NFATC2IP: variants seen among roughly 807,000 people sequenced by gnomAD.
NFATC2IP encodes the protein NFATC2-interacting protein.
Under a neutral mutation model 40.2 loss-of-function variants are expected in NFATC2IP, and 25 were observed. That is an observed-to-expected ratio of 0.62 (90% CI 0.45 to 0.87). The LOEUF (loss-of-function observed/expected upper bound fraction) is 0.87, where lower values mean the gene tolerates loss of function less well. Among genes scored for constraint, NFATC2IP ranks in the 40% least tolerant of loss-of-function variants. NFATC2IP has a pLI of 0.00. For synonymous variants in NFATC2IP, 241 were observed against 236.3 expected (o/e 1.02, Z -0.18); for missense variants, 553 against 555.6 (o/e 1.00, Z 0.05).
rs1408639005 is a variant in NFATC2IP at position 28,964,731 on chromosome 16, T to TA, written c.*869dup. On this transcript the variant is annotated 3_prime_UTR_variant, in exon 8 of 8. Transcript: ENST00000320805. ...CATAGTGCTATTGTGCAATAGGTCT[T>TA]ATGCTGTTTTCACTCAATGTGTGCT... The TA allele has an allele frequency of 6.6e-6, 1 of 152,298 alleles. No homozygotes were observed. The highest frequency in any genetic ancestry group is 2.4e-5 in the African/African-American group (1 of 41,464). The allele number at this position is 152,298 out of a possible 1,614,324, so 9.4% of individuals were successfully genotyped here.
At position 28,951,301 on chromosome 16, in the gene NFATC2IP, G is replaced by A; in HGVS notation, c.290G>A (p.Arg97Lys). ...NSNSDSEGED[R>K]RPAGPPREPV... ...AACAGTGACAGCGAAGGGGAGGACA[G>A]GCGGCCCGCAGGACCCCCGCGGGAG... is the stretch of plus-strand genomic sequence containing the variant. The change falls in exon 1 of 8, where the codon AGG becomes AAG. Residue 97 changes from arginine (R) to lysine (K), a missense_variant. Coordinates refer to ENST00000320805, the MANE Select transcript of NFATC2IP (RefSeq NM_032815.4). The A allele has an allele frequency of 7.0e-7, 1 of 1,426,884 alleles. No individual in the cohort carries two copies. The highest frequency in any genetic ancestry group is 9.2e-7 in the Non-Finnish European group (1 of 1,086,832). The allele number at this position is 1,426,884 out of a possible 1,614,324, so 88.4% of individuals were successfully genotyped here.
chr16:28,955,883 C>CATA, intron 3 of NFATC2IP, 95 bp from the exon 4 acceptor site: 6 of 1,011,492 alleles, frequency 5.9e-6, no homozygotes, highest in Non-Finnish European at 9.2e-6. Context: ...GCCATTGCGT[C>CATA]CGACTATGCT....
At chr16:28,954,761 G>C in intron 3 of NFATC2IP, 79 bp downstream of exon 3, 2 of 803,200 alleles carry the variant, frequency 2.5e-6, no homozygotes, top group Non-Finnish European at 4.2e-6. Context: ...AGGACTCTTG[G>C]GTGACTCCTG....
chr16:28,962,501 C>T (rs1965098783), intron 7 of NFATC2IP, among the ~76,000 whole-genome samples: 1 of 152,112 alleles, frequency 6.6e-6, no homozygotes, highest in Admixed American at 6.5e-5. Context: ...ACTCAACCTT[C>T]ACTCTCTCCC....
intron 1 of NFATC2IP, 113 bp from the exon 2 acceptor site, chr16:28,952,019 A>C: frequency 6.9e-7 from 1 of 1,454,132 alleles, no homozygotes; most frequent in Non-Finnish European, 9.4e-7. Context: ...CAAGGTGTCC[A>C]CGATCTTAGG....
At chr16:28,959,160 T>C (rs1245203871) in intron 7 of NFATC2IP, 60 bp downstream of exon 7, 7 of 1,043,572 alleles carry the variant, frequency 6.7e-6, no homozygotes, top group Non-Finnish European at 1.0e-5. Context: ...CTCTTGTCTC[T>C]CTTGTCAGTT....
At position 28,961,979 on chromosome 16, in the gene NFATC2IP, C is replaced by A. The variant is rs185501373; in HGVS notation, c.1102-1726C>A. Reference sequence around the variant, plus strand: ...AGTGCAGTGGTGCGATCTTGGCTTACCACAGCCTCAAACTCCTGGGCTCAA... The same window carrying A: ...AGTGCAGTGGTGCGATCTTGGCTTAACACAGCCTCAAACTCCTGGGCTCAA... On this transcript the variant is annotated intron_variant, in intron 7 of 7. Transcript: ENST00000320805. Among the ~76,000 whole-genome samples the A allele has an allele frequency of 5.9e-4, 89 of 151,168 alleles. No individual in the cohort carries two copies. The East Asian group carries it at 0.013, about 22-fold the overall frequency.
chr16:28,963,584 C>T (rs901654050), intron 7 of NFATC2IP, 121 bp from the exon 8 acceptor site: 2 of 806,064 alleles, frequency 2.5e-6, no homozygotes, highest in East Asian at 5.0e-5. Flanking sequence ...CCGCATGGGG[C>T]CCTGACTTTA....
rs1272329765 is a variant in NFATC2IP at position 28,964,070 on chromosome 16, G to A, written c.*207G>A. 3.5e-6 allele frequency: 2 copies of A among 564,424 alleles called. No homozygotes were observed. Among genetic ancestry groups the A allele is most frequent in the East Asian group, 5.8e-5 (2 of 34,284 alleles). The allele number at this position is 564,424 out of a possible 1,614,324, so 35.0% of individuals were successfully genotyped here. A position where few individuals can be genotyped will look rare whatever the true frequency, so the allele number is the denominator to read the frequency against. On this transcript the variant is annotated 3_prime_UTR_variant, in exon 8 of 8. Coordinates refer to ENST00000320805, the MANE Select transcript of NFATC2IP (RefSeq NM_032815.4). The stretch of plus-strand genomic sequence containing the variant: ...TTATGTGGGTGTTGTTGCCCTGGGT[G>A]GCCTGTGGCTCCGTCCACAAGTCAT...
rs750769810 is a variant in NFATC2IP at position 28,963,724 on chromosome 16, T to G, written c.1121T>G (p.Leu374Arg). The change falls in exon 8 of 8, where the codon CTC becomes CGC. Residue 374 changes from leucine (L) to arginine (R), a missense_variant. Leu to Arg is a moderately radical substitution (Grantham distance 102). Coordinates refer to ENST00000320805, the MANE Select transcript of NFATC2IP (RefSeq NM_032815.4). ...ATCCAGGATTCCCCTCTAAAGACCC[T>G]CATGTCCCACTATGAGGAGGCCATG... The part of the protein sequence containing the change: ...SLSRDSPLKT[L>R]MSHYEEAMGL... 1 of 1,614,028 alleles carries G rather than the reference T, an allele frequency of 6.2e-7. No individual in the cohort carries two copies. The highest frequency in any genetic ancestry group is 1.1e-5 in the South Asian group (1 of 91,082).
chr16:28,957,753 T>C (rs1483861129), intron 5 of NFATC2IP: 2 of 152,164 alleles, frequency 1.3e-5, no homozygotes, highest in African/African-American at 2.4e-5. Context: ...GCTGGGATTA[T>C]AGGTGTGAGC....
At position 28,959,014 on chromosome 16, in the gene NFATC2IP, C is replaced by A; in HGVS notation, c.1015C>A (p.Pro339Thr). 1 of 1,613,962 alleles carries A rather than the reference C, an allele frequency of 6.2e-7. No homozygotes were observed. The highest frequency in any genetic ancestry group is 1.1e-5 in the South Asian group (1 of 91,064). ...AGACTGTGTGGTACTAACAAGTTCTCCAGAGGCCACAGAGACGTCCCAACA... is the reference window on the plus strand; with the variant it reads ...AGACTGTGTGGTACTAACAAGTTCTACAGAGGCCACAGAGACGTCCCAACA... ...IIDCVVLTSS[P>T]EATETSQQLQ... The change falls in exon 7 of 8, where the codon CCA becomes ACA. Residue 339 changes from proline (P) to threonine (T), a missense_variant. By Grantham distance (38) the Pro-to-Thr change is conservative. Coordinates refer to ENST00000320805, the MANE Select transcript of NFATC2IP (RefSeq NM_032815.4).
chr16:28,955,075 TC>T (rs1965006435), intron 3 of NFATC2IP, among the ~76,000 whole-genome samples: 1 of 152,046 alleles, frequency 6.6e-6, no homozygotes, highest in South Asian at 2.1e-4. Flanking sequence ...ATGCCTGTGA[TC>T]CCAGCTGCTC....
Position 28,964,115 on chromosome 16 carries a change from G to T in NFATC2IP, c.*252G>T. ...AGTCATGCTGAGTTTTGCAGCCTCT[G>T]TGACTTGGAGATGTCCCTTCACCCC... On this transcript the variant is annotated 3_prime_UTR_variant, in exon 8 of 8. Transcript: ENST00000320805. 2.1e-6 allele frequency: 1 copy of T among 470,742 alleles called. No homozygotes were observed. Among genetic ancestry groups the T allele is most frequent in the Non-Finnish European group, 3.9e-6 (1 of 258,514 alleles). The allele number at this position is 470,742 out of a possible 1,614,324, so 29.2% of individuals were successfully genotyped here.
intron 2 of NFATC2IP, among the ~76,000 whole-genome samples, chr16:28,953,580 C>T (rs1964989203): frequency 1.3e-5 from 2 of 152,056 alleles, no homozygotes; most frequent in Non-Finnish European, 2.9e-5. Flanking sequence ...ATACTCAAAA[C>T]GTGGGCCCAG....
intron 2 of NFATC2IP, among the ~76,000 whole-genome samples, chr16:28,952,869 A>C (rs1567512054): frequency 6.6e-6 from 1 of 150,924 alleles, no homozygotes. Context: ...CAGCCTTCCC[A>C]GTAGCTGACT....
chr16:28,956,061 G>A lies in NFATC2IP; in HGVS notation c.659+3G>A. 6.2e-7 allele frequency: 1 copy of A among 1,614,092 alleles called. No homozygotes were observed. Among genetic ancestry groups the A allele is most frequent in the Non-Finnish European group, 8.5e-7 (1 of 1,179,960 alleles). ...ACTCGGGCACTCAAGAAGTTAAGGT[G>A]CCAAGTGCAGGGGCTCTGGCTGGGA... On this transcript the variant is annotated splice_donor_region_variant and intron_variant, in intron 4 of 7. Coordinates refer to ENST00000320805, the MANE Select transcript of NFATC2IP (RefSeq NM_032815.4).
At chr16:28,954,109 T>G (rs1002415928) in intron 2 of NFATC2IP, among the ~76,000 whole-genome samples, 3 of 152,140 alleles carry the variant, frequency 2.0e-5, no homozygotes, top group African/African-American at 7.2e-5. Flanking sequence ...GGAAGTATTA[T>G]ACCTCAGCCC....
At chr16:28,956,591 C>T in intron 5 of NFATC2IP, 1 of 474,432 alleles carries the variant, frequency 2.1e-6, no homozygotes, top group Non-Finnish European at 3.8e-6. Context: ...CATCCTGTGT[C>T]TTTTTTTTTC....
Sources: allele counts gnomAD v4.1 joint callset (sites outside exome capture counted in the v4.1 genomes callset), GRCh38; gene constraint gnomAD v4.1.1; transcripts MANE v1.5; gene names NCBI Gene and HGNC (gene_info 2026-07-23, HGNC 2026-07-21).